The following ENTREP2 variants were observed in gnomAD, a reference collection of about 807,000 sequenced individuals.
The protein encoded by ENTREP2 is endosomal transmembrane epsin interactor 2, also known as protein ENTREP2.
chr15:29,649,586 T>C, the ENTREP2 span, among the ~76,000 whole-genome samples: 1 of 151,552 alleles, frequency 6.6e-6, no homozygotes, highest in East Asian at 1.9e-4. Flanking sequence ...CCAGGCGTGG[T>C]GATGTGTGCC....
chr15:29,176,262 TG>T, the ENTREP2 span, among the ~76,000 whole-genome samples: 2 of 152,178 alleles, frequency 1.3e-5, no homozygotes, highest in Non-Finnish European at 2.9e-5. Flanking sequence ...CTGAGAGCCG[TG>T]GCACATAGGG....
At chr15:29,659,788 G>A in the ENTREP2 span, among the ~76,000 whole-genome samples, 9 of 149,538 alleles carry the variant, frequency 6.0e-5, no homozygotes, top group African/African-American at 2.3e-4. Context: ...TCCATTGCAC[G>A]AATATGCCAC....
At chr15:29,383,553 G>A in the ENTREP2 span, among the ~76,000 whole-genome samples, 1 of 152,166 alleles carries the variant, frequency 6.6e-6, no homozygotes, top group Non-Finnish European at 1.5e-5. Context: ...AGGCATCCGG[G>A]CACTGGCTGG....
the ENTREP2 span, among the ~76,000 whole-genome samples, chr15:29,184,177 G>GT: frequency 6.6e-6 from 1 of 152,136 alleles, no homozygotes; most frequent in Non-Finnish European, 1.5e-5. Context: ...TAGACACGGG[G>GT]TTTTGCCATA....
At chr15:29,358,756 G>T in the ENTREP2 span, among the ~76,000 whole-genome samples, 3 of 151,696 alleles carry the variant, frequency 2.0e-5, no homozygotes, top group South Asian at 6.3e-4. Flanking sequence ...AAAAAAACCA[G>T]AATAAAAGAC....
chr15:29,224,008 T>C, the ENTREP2 span, among the ~76,000 whole-genome samples: 3 of 152,312 alleles, frequency 2.0e-5, no homozygotes, highest in South Asian at 6.2e-4. Flanking sequence ...ATTGATGGGT[T>C]CTTGGTCGCA....
chr15:29,458,449 G>C, the ENTREP2 span, among the ~76,000 whole-genome samples: 11 of 152,180 alleles, frequency 7.2e-5, no homozygotes, highest in East Asian at 1.2e-3. Context: ...AACCATCGCA[G>C]AGCCACGGGC....
At chr15:29,306,664 A>ATTTTTTTTTTTTTTTTTTTTTT in the ENTREP2 span, among the ~76,000 whole-genome samples, 2 of 77,278 alleles carry the variant, frequency 2.6e-5, no homozygotes, top group African/African-American at 3.6e-5. Context: ...ATAATTGGTA[A>ATTTTTTTTTTTTTTTTTTTTTT]TTTTTTTTTT....
chr15:29,429,422 C>T, the ENTREP2 span, among the ~76,000 whole-genome samples: 17,570 of 152,114 alleles, frequency 0.12, 1,172 homozygotes, highest in East Asian at 0.32. Context: ...AGACTCACTA[C>T]GTTCCCAGGG....
the ENTREP2 span, chr15:29,195,257 G>A: frequency 4.1e-5 from 40 of 985,220 alleles, no homozygotes; most frequent in Middle Eastern, 5.2e-4. Context: ...TGAGCCAGGC[G>A]TAGTCCTACC....
At chr15:29,433,918 T>C in the ENTREP2 span, among the ~76,000 whole-genome samples, 1 of 152,150 alleles carries the variant, frequency 6.6e-6, no homozygotes, top group Non-Finnish European at 1.5e-5. Flanking sequence ...CCACCAACCC[T>C]GTTACTCTAT....
chr15:29,500,290 A>C, the ENTREP2 span, among the ~76,000 whole-genome samples: 1 of 152,148 alleles, frequency 6.6e-6, no homozygotes, highest in South Asian at 2.1e-4. Flanking sequence ...AGCAGAATAC[A>C]CATTCTTCTC....
At chr15:29,564,777 C>A in the ENTREP2 span, among the ~76,000 whole-genome samples, 1 of 152,198 alleles carries the variant, frequency 6.6e-6, no homozygotes, top group Non-Finnish European at 1.5e-5. Flanking sequence ...CCTTCTGATG[C>A]TGGTGGTTTG....
chr15:29,619,623 G>A, the ENTREP2 span, among the ~76,000 whole-genome samples: 1 of 152,096 alleles, frequency 6.6e-6, no homozygotes, highest in African/African-American at 2.4e-5. Flanking sequence ...GAAAGACAAA[G>A]TGTCACCTGT....
the ENTREP2 span, among the ~76,000 whole-genome samples, chr15:29,354,461 A>G: frequency 6.6e-6 from 1 of 152,328 alleles, no homozygotes; most frequent in Admixed American, 6.5e-5. Context: ...GAATGTATAA[A>G]AAGACATACA....
the ENTREP2 span, among the ~76,000 whole-genome samples, chr15:29,614,679 C>A: frequency 1.3e-5 from 2 of 152,120 alleles, no homozygotes; most frequent in African/African-American, 4.8e-5. Flanking sequence ...TAGAACCAAC[C>A]GGGTGCTGAA....
the ENTREP2 span, among the ~76,000 whole-genome samples, chr15:29,478,040 T>C: frequency 2.9e-5 from 4 of 137,180 alleles, no homozygotes; most frequent in African/African-American, 5.5e-5. Flanking sequence ...TTTTTTTTTT[T>C]CTGAGACGGA....
chr15:29,469,249 G>A, the ENTREP2 span, among the ~76,000 whole-genome samples: 9 of 152,234 alleles, frequency 5.9e-5, no homozygotes, highest in Admixed American at 5.2e-4. Flanking sequence ...GCCCAGGCTG[G>A]AGTACAGTGG....
chr15:29,334,173 G>A, the ENTREP2 span, among the ~76,000 whole-genome samples: 2 of 152,212 alleles, frequency 1.3e-5, no homozygotes, highest in African/African-American at 4.8e-5. Context: ...AGCCTGTAAT[G>A]TGAACTTCAG....
Sources: allele counts gnomAD v4.1 joint callset (sites outside exome capture counted in the v4.1 genomes callset), GRCh38; gene constraint gnomAD v4.1.1; transcripts MANE v1.5; gene names NCBI Gene and HGNC (gene_info 2026-07-23, HGNC 2026-07-21).